The following CNTLN variants were observed in gnomAD, a reference collection of about 807,000 sequenced individuals.
CNTLN encodes centlein.
A neutral mutation model predicts 180.0 loss-of-function variants in CNTLN; 212 were observed. The observed-to-expected ratio is 1.18, with a 90% CI of 1.05 to 1.32. The LOEUF (loss-of-function observed/expected upper bound fraction) is 1.32, where lower values mean the gene tolerates loss of function less well. Ranked by LOEUF, CNTLN falls within the 40% of genes most tolerant of loss-of-function variation. The pLI is 0.00. For missense variants in CNTLN, 2,095 were observed against 1,610.9 expected, an observed-to-expected ratio of 1.30 and a Z score of -5.14; for synonymous variants, 722 against 563.1, an observed-to-expected ratio of 1.28 and a Z score of -3.99.
At chr9:17,496,008 C>T (rs754593491) in intron 25 of CNTLN, among the ~76,000 whole-genome samples, 16 of 152,222 alleles carry the variant, frequency 1.1e-4, no homozygotes, top group South Asian at 4.2e-4. Context: ...GTTTGGACAA[C>T]GCCAAAATTG....
At chr9:17,218,172 G>A (rs1823889791) in intron 2 of CNTLN, among the ~76,000 whole-genome samples, 1 of 151,882 alleles carries the variant, frequency 6.6e-6, no homozygotes, top group South Asian at 2.1e-4. Context: ...ATTTTATACT[G>A]GAAATTAAAT....
At chr9:17,139,643 G>A (rs554805617) in intron 1 of CNTLN, among the ~76,000 whole-genome samples, 1 of 151,858 alleles carries the variant, frequency 6.6e-6, no homozygotes, top group Non-Finnish European at 1.5e-5. Context: ...CTGGGCAACA[G>A]AGTGAGACTT....
Position 17,257,662 on chromosome 9 carries a change from C to T in CNTLN, c.850-16071C>T, listed in dbSNP as rs1412099880. Among the ~76,000 whole-genome samples the T allele has an allele frequency of 2.8e-3, 420 of 151,408 alleles. 8 individuals carry two copies. Among genetic ancestry groups the T allele is most frequent in the African/African-American group, 9.7e-3 (398 of 40,836 alleles). Reference sequence around the variant, plus strand: ...TGTTGTTTCCTGACTTTTTAATGATCACCATTCTAACTGGTGTGAGATGGT... The same window carrying T: ...TGTTGTTTCCTGACTTTTTAATGATTACCATTCTAACTGGTGTGAGATGGT... On this transcript the variant is annotated intron_variant, in intron 5 of 25. Transcript: ENST00000380647.
In CNTLN at chr9:17,241,585, G is replaced by A. The variant is rs544443321; in HGVS notation, c.849+4997G>A. On this transcript the variant is annotated intron_variant, in intron 5 of 25. Transcript: ENST00000380647. Reference sequence around the variant, plus strand: ...ATTTTCAGATTAAAAAAAATTCTGCGAAGAATGTCATTAGTATTTTGATAG... The same window carrying A: ...ATTTTCAGATTAAAAAAAATTCTGCAAAGAATGTCATTAGTATTTTGATAG... 8.1e-4 allele frequency among the ~76,000 whole-genome samples: 123 copies of A among 151,996 alleles called. 1 individual carries two copies. The highest frequency in any genetic ancestry group is 1.4e-3 in the African/African-American group (56 of 41,408).
At chr9:17,428,951 C>G (rs780143651) in intron 18 of CNTLN, among the ~76,000 whole-genome samples, 2 of 151,774 alleles carry the variant, frequency 1.3e-5, no homozygotes, top group African/African-American at 2.4e-5. Context: ...TTTATTCCAG[C>G]TCATTCCTTG....
At chr9:17,202,935 G>A (rs1786524175) in intron 2 of CNTLN, among the ~76,000 whole-genome samples, 1 of 151,870 alleles carries the variant, frequency 6.6e-6, no homozygotes, top group African/African-American at 2.4e-5. Flanking sequence ...TAGTGTCGTT[G>A]GTCTTTATAT....
rs182292550 is a variant in CNTLN, at chr9:17,412,026, C to T, written c.2796+2553C>T. On this transcript the variant is annotated intron_variant, in intron 16 of 25. Coordinates refer to ENST00000380647, the MANE Select transcript of CNTLN (RefSeq NM_017738.4). ...CTTATACCTAACAAGCCCCCACCCC[C>T]TCCCCATGATGTCAATGGAAGCCCA... Among the ~76,000 whole-genome samples, 929 of 152,078 alleles carry T rather than the reference C, an allele frequency of 6.1e-3. 7 individuals carry two copies. The highest frequency in any genetic ancestry group is 1.0e-2 in the Non-Finnish European group (678 of 67,992).
At chr9:17,368,337 A>G (rs1824006561) in intron 13 of CNTLN, among the ~76,000 whole-genome samples, 1 of 152,024 alleles carries the variant, frequency 6.6e-6, no homozygotes, top group Admixed American at 6.6e-5. Flanking sequence ...GTGGACTAGA[A>G]CACCAGGTGG....
intron 6 of CNTLN, among the ~76,000 whole-genome samples, chr9:17,283,657 G>T (rs538680041): frequency 6.6e-6 from 1 of 152,136 alleles, no homozygotes; most frequent in East Asian, 1.9e-4. Flanking sequence ...GTGAGAGACA[G>T]CATCCTTGTC....
intron 2 of CNTLN, among the ~76,000 whole-genome samples, chr9:17,214,773 A>C (rs1823609874): frequency 6.6e-6 from 1 of 151,848 alleles, no homozygotes; most frequent in Admixed American, 6.6e-5. Context: ...TTTTTCTCTA[A>C]ACTTCTCTTC....
At position 17,143,323 on chromosome 9, in the gene CNTLN, T is replaced by C. The variant is rs1352003050; in HGVS notation, c.396T>C (p.Arg132=). 6.8e-6 allele frequency: 11 copies of C among 1,613,702 alleles called. No individual in the cohort carries two copies. Among genetic ancestry groups the C allele is most frequent in the East Asian group, 2.2e-5 (1 of 44,826 alleles). ...AATTTGTATGGTCTTTGTGGAAACG[T>C]CTCCAGGTTACAAACCCAGATCTCA... ...DKEFVWSLWK[R]LQVTNPDLTQ... The change falls in exon 2 of 26, where the codon CGT becomes CGC. Residue 132 remains arginine (R), a synonymous_variant. Transcript: ENST00000380647.
chr9:17,418,739 T>C (rs1206631078), intron 18 of CNTLN, among the ~76,000 whole-genome samples: 1 of 152,086 alleles, frequency 6.6e-6, no homozygotes, highest in African/African-American at 2.4e-5. Flanking sequence ...TTTGAACTTA[T>C]AGGTCTTGAA....
At position 17,169,841 on chromosome 9, in the gene CNTLN, AGCTTTGTTCTTATT is replaced by A. The variant is rs574175834; in HGVS notation, c.449+26469_449+26482del. Among the ~76,000 whole-genome samples, 14 of 152,220 alleles carry A rather than the reference AGCTTTGTTCTTATT, an allele frequency of 9.2e-5. No individual in the cohort carries two copies. The South Asian group carries it at 2.9e-3, about 32-fold the overall frequency. ...TTGAAATCAGGAAGTGTGATGCTTC[AGCTTTGTTCTTATT>A]GCTGAAGATTGCTTTAGCTAGTCAT... On this transcript the variant is annotated intron_variant, in intron 2 of 25. Transcript: ENST00000380647.
chr9:17,152,375 G>T (rs1457873156), intron 2 of CNTLN, among the ~76,000 whole-genome samples: 1 of 152,096 alleles, frequency 6.6e-6, no homozygotes, highest in African/African-American at 2.4e-5. Context: ...GTTCTCATTG[G>T]TGTCAAAGAA....
chr9:17,443,865 A>G lies in CNTLN; in HGVS notation c.3115-13659A>G, dbSNP rs566745563. The stretch of plus-strand genomic sequence containing the variant: ...AAGGAGATCCAAAAGAACTGTACAG[A>G]GAATGTGGAGGAAAAATTGAGTACT... On this transcript the variant is annotated intron_variant, in intron 18 of 25. Coordinates refer to ENST00000380647, the MANE Select transcript of CNTLN (RefSeq NM_017738.4). Among the ~76,000 whole-genome samples, 3 of 152,252 alleles carry G rather than the reference A, an allele frequency of 2.0e-5. No individual in the cohort carries two copies. The South Asian group carries it at 6.2e-4, about 32-fold the overall frequency.
At chr9:17,295,825 T>C (rs1241647243) in intron 6 of CNTLN, among the ~76,000 whole-genome samples, 2 of 152,132 alleles carry the variant, frequency 1.3e-5, no homozygotes, top group African/African-American at 4.8e-5. Context: ...CATATCTACA[T>C]AGTATAAGAG....
the CNTLN span, among the ~76,000 whole-genome samples, chr9:17,511,818 C>T: frequency 7.6e-4 from 116 of 152,208 alleles, no homozygotes; most frequent in African/African-American, 2.4e-3. Flanking sequence ...GGGGAGGCTA[C>T]TGGGGAAATT....
intron 9 of CNTLN, among the ~76,000 whole-genome samples, chr9:17,331,894 G>A (rs1486672007): frequency 6.6e-6 from 1 of 151,916 alleles, no homozygotes; most frequent in East Asian, 1.9e-4. Context: ...AAAAATGTAT[G>A]ACTTTGACTT....
intron 7 of CNTLN, among the ~76,000 whole-genome samples, chr9:17,307,936 G>A (rs948158621): frequency 1.9e-4 from 28 of 146,078 alleles, no homozygotes; most frequent in African/African-American, 6.3e-4. Context: ...TGAGGGTTTT[G>A]CTCTTATTGT....
Sources: allele counts gnomAD v4.1 joint callset (sites outside exome capture counted in the v4.1 genomes callset), GRCh38; gene constraint gnomAD v4.1.1; transcripts MANE v1.5; gene names NCBI Gene and HGNC (gene_info 2026-07-23, HGNC 2026-07-21).